Variants in MTMR9 observed in about 807,000 individuals in gnomAD.
MTMR9 encodes the protein myotubularin related protein 9.
A neutral mutation model predicts 69.5 loss-of-function variants in MTMR9; 39 were observed. The observed-to-expected ratio is 0.56, with a 90% CI of 0.43 to 0.73. The LOEUF is 0.73. Among genes scored for constraint, MTMR9 ranks in the 30% least tolerant of loss-of-function variants. The pLI, the probability that MTMR9 is intolerant of heterozygous loss-of-function variation, is 0.00. For synonymous variants in MTMR9, 354 were observed against 240.8 expected, an observed-to-expected ratio of 1.47 and a Z score of -4.35; for missense variants, 900 against 671.2, an observed-to-expected ratio of 1.34 and a Z score of -3.77.
intron 3 of MTMR9, 85 bp downstream of exon 3, chr8:11,300,233 A>C (rs1451085224): frequency 6.8e-7 from 1 of 1,467,720 alleles, no homozygotes; most frequent in Non-Finnish European, 9.4e-7. Context: ...TCTTTTGAAG[A>C]GTAATAAGGT....
chr8:11,319,761 T>A lies in MTMR9; in HGVS notation c.1409T>A (p.Phe470Tyr). The change falls in exon 9 of 10, where the codon TTC becomes TAC. Residue 470 changes from phenylalanine (F) to tyrosine (Y), a missense_variant. Phe to Tyr is a conservative substitution (Grantham distance 22, BLOSUM62 3). Coordinates refer to ENST00000221086, the MANE Select transcript of MTMR9 (RefSeq NM_015458.4). Reference protein sequence around the residue: ...WVNQPSELSKFTNPLFEANNL... With the variant: ...WVNQPSELSKYTNPLFEANNL... ...AATCAGCCCAGTGAGCTGAGTAAAT[T>A]CACCAATCCCCTCTTTGAAGCCAAC... is the stretch of plus-strand genomic sequence containing the variant. The A allele has an allele frequency of 6.2e-7, 1 of 1,614,196 alleles. No individual in the cohort carries two copies. The highest frequency in any genetic ancestry group is 8.5e-7 in the Non-Finnish European group (1 of 1,180,012).
rs1399933529 is a variant in MTMR9, at chr8:11,297,784, AAAG to A, written c.292-2235_292-2233del. ...ATTATATAAAAGCCCTTAGGACTGA[AAAG>A]AAGCCGTAAATTATGAGCTCATTTG... On this transcript the variant is annotated intron_variant, in intron 2 of 9. Transcript: ENST00000221086. The A allele has an allele frequency of 1.8e-5, 8 of 447,240 alleles. No homozygotes were observed. The East Asian group carries it at 4.9e-4, about 27-fold the overall frequency. The allele number at this position is 447,240 out of a possible 1,614,324, so 27.7% of individuals were successfully genotyped here.
In MTMR9 at chr8:11,324,282, T is replaced by A. The variant is rs1800825564; in HGVS notation, c.*1494T>A. ...ATACTTTTCATCACCAATTGCCCAATTCATCTTTCTTCTGCTTCCTCAGCC... is the reference window on the plus strand; with the variant it reads ...ATACTTTTCATCACCAATTGCCCAAATCATCTTTCTTCTGCTTCCTCAGCC... On this transcript the variant is annotated 3_prime_UTR_variant, in exon 10 of 10. Coordinates refer to ENST00000221086, the MANE Select transcript of MTMR9 (RefSeq NM_015458.4). 3 of 152,246 alleles carry A rather than the reference T, an allele frequency of 2.0e-5. No individual in the cohort carries two copies. The highest frequency in any genetic ancestry group is 2.0e-4 in the Admixed American group (3 of 15,288). The allele number at this position is 152,246 out of a possible 1,614,324, so 9.4% of individuals were successfully genotyped here. A position where few individuals can be genotyped will look rare whatever the true frequency, so the allele number is the denominator to read the frequency against.
At chr8:11,304,655 G>T (rs537550307) in intron 3 of MTMR9, among the ~76,000 whole-genome samples, 186 bp from the exon 4 acceptor site, 1 of 152,244 alleles carries the variant, frequency 6.6e-6, no homozygotes, top group South Asian at 2.1e-4. Flanking sequence ...CAGGAAGCTG[G>T]CCCTGAACCA....
chr8:11,316,336 G>T (rs1409718786), intron 7 of MTMR9: 2 of 171,410 alleles, frequency 1.2e-5, no homozygotes, highest in Non-Finnish European at 2.5e-5. Context: ...CTTTGACTTT[G>T]CTCCAGGTTT....
chr8:11,321,386 TAA>T, intron 9 of MTMR9: 1 of 456,280 alleles, frequency 2.2e-6, no homozygotes, highest in Non-Finnish European at 4.4e-6. Context: ...ACAATGTACT[TAA>T]AGCCACTGTC....
downstream of MTMR9, among the ~76,000 whole-genome samples, chr8:11,328,818 G>T (rs966928959): frequency 3.3e-5 from 5 of 152,170 alleles, no homozygotes; most frequent in African/African-American, 1.2e-4. Context: ...CATTAGTAAT[G>T]GGACATATCA....
the MTMR9 span, among the ~76,000 whole-genome samples, chr8:11,333,530 A>C: frequency 6.6e-6 from 1 of 152,246 alleles, no homozygotes; most frequent in African/African-American, 2.4e-5. Context: ...GAGATGAAAG[A>C]ACACTAGACA....
chr8:11,298,651 C>T, intron 2 of MTMR9: 1 of 631,018 alleles, frequency 1.6e-6, no homozygotes, highest in South Asian at 7.2e-5. Flanking sequence ...TCCTCCTGTC[C>T]AGGTGAATGT....
intron 1 of MTMR9, among the ~76,000 whole-genome samples, chr8:11,292,732 A>G (rs1325970151): frequency 2.0e-5 from 3 of 152,140 alleles, no homozygotes; most frequent in Admixed American, 1.3e-4. Flanking sequence ...TTGTATATTC[A>G]TACACAGTCA....
downstream of MTMR9, among the ~76,000 whole-genome samples, chr8:11,332,573 G>A (rs890424905): frequency 3.3e-5 from 5 of 151,288 alleles, no homozygotes; most frequent in African/African-American, 1.2e-4. Context: ...TCACTAGAAG[G>A]GTTCGATAGA....
At chr8:11,296,676 A>G (rs1007922732) in intron 2 of MTMR9, among the ~76,000 whole-genome samples, 1 of 152,182 alleles carries the variant, frequency 6.6e-6, no homozygotes, top group East Asian at 1.9e-4. Flanking sequence ...CACTTAGCAT[A>G]ATATCCTCAC....
At chr8:11,291,806 T>G (rs1799388195) in intron 1 of MTMR9, among the ~76,000 whole-genome samples, 1 of 152,190 alleles carries the variant, frequency 6.6e-6, no homozygotes. Context: ...GTACATTTTT[T>G]TTGTTTTTTT....
intron 3 of MTMR9, among the ~76,000 whole-genome samples, chr8:11,302,502 G>A (rs1163622927): frequency 2.0e-5 from 3 of 152,106 alleles, no homozygotes; most frequent in South Asian, 2.1e-4. Context: ...TGACCTGCAT[G>A]GTGTTAGATT....
At chr8:11,308,069 C>G (rs1339875926) in intron 5 of MTMR9, among the ~76,000 whole-genome samples, 1 of 152,134 alleles carries the variant, frequency 6.6e-6, no homozygotes, top group Middle Eastern at 3.2e-3. Context: ...TCTATTTTTG[C>G]TTTTGTTGCC....
intron 9 of MTMR9, 55 bp downstream of exon 9, chr8:11,319,893 CTGTG>C (rs1323309403): frequency 6.3e-7 from 1 of 1,582,144 alleles, no homozygotes; most frequent in Non-Finnish European, 8.6e-7. Context: ...ATGCGGCTGC[CTGTG>C]AGTGTGTGCT....
intron 5 of MTMR9, 35 bp downstream of exon 5, chr8:11,306,442 A>G (rs1176834960): frequency 1.9e-6 from 3 of 1,586,468 alleles, no homozygotes; most frequent in African/African-American, 1.3e-5. Flanking sequence ...GACTCTTATT[A>G]GAAGCTAATT....
chr8:11,287,030 C>A (rs1414533268), intron 1 of MTMR9, among the ~76,000 whole-genome samples: 1 of 152,162 alleles, frequency 6.6e-6, no homozygotes, highest in East Asian at 1.9e-4. Context: ...TGTTACAGTT[C>A]TTGTCTTTCA....
intron 9 of MTMR9, chr8:11,320,716 C>G (rs990769440): frequency 1.3e-5 from 2 of 148,542 alleles, no homozygotes; most frequent in African/African-American, 4.9e-5. Flanking sequence ...CAGGGTGACA[C>G]AACGAGACTT....
Sources: allele counts gnomAD v4.1 joint callset (sites outside exome capture counted in the v4.1 genomes callset), GRCh38; gene constraint gnomAD v4.1.1; transcripts MANE v1.5; gene names NCBI Gene and HGNC (gene_info 2026-07-23, HGNC 2026-07-21).